PTK7: variants seen among roughly 807,000 people sequenced by gnomAD.
PTK7 encodes the protein protein tyrosine kinase 7 (inactive), also known as inactive tyrosine-protein kinase 7.
PTK7 carries 39 observed loss-of-function variants against 116.6 expected under a neutral mutation model. The observed-to-expected ratio is 0.33, with a 90% CI of 0.26 to 0.44. The LOEUF (loss-of-function observed/expected upper bound fraction) is 0.44, where lower values mean the gene tolerates loss of function less well. PTK7 is among the 20% of genes least tolerant of loss of function. The pLI, the probability that PTK7 is intolerant of heterozygous loss-of-function variation, is 1.00. For missense variants in PTK7, 1,169 were observed against 1,425.6 expected (o/e 0.82, Z 2.90); for synonymous variants, 546 against 563.6 (o/e 0.97, Z 0.44).
intron 10 of PTK7, among the ~76,000 whole-genome samples, chr6:43,140,452 CA>C (rs58975715): frequency 0.012 from 1,242 of 101,546 alleles, 7 homozygotes; most frequent in African/African-American, 0.03. Context: ...GACTCCATCT[CA>C]AAAAAAAAAA....
chr6:43,083,141 G>A (rs765142103), intron 1 of PTK7, among the ~76,000 whole-genome samples: 4 of 152,228 alleles, frequency 2.6e-5, no homozygotes, highest in Admixed American at 2.6e-4. Flanking sequence ...TTTTCCTGAT[G>A]GAAGAAAGGG....
At chr6:43,146,556 C>A in intron 16 of PTK7, 62 bp from the exon 17 acceptor site, 1 of 1,519,316 alleles carries the variant, frequency 6.6e-7, no homozygotes, top group Non-Finnish European at 9.1e-7. Context: ...CCTGCTTGGT[C>A]TGAGGCTTTA....
intron 1 of PTK7, among the ~76,000 whole-genome samples, chr6:43,127,129 A>G (rs1200930089): frequency 2.6e-5 from 4 of 152,240 alleles, no homozygotes; most frequent in Non-Finnish European, 5.9e-5. Context: ...TCTGTAGGCC[A>G]AGATTAGTTT....
intron 1 of PTK7, among the ~76,000 whole-genome samples, chr6:43,123,502 A>C (rs1180938126): frequency 6.6e-6 from 1 of 151,924 alleles, no homozygotes; most frequent in African/African-American, 2.4e-5. Context: ...TTGTGTTTAC[A>C]CATATGTGTG....
chr6:43,111,275 T>C (rs1442228945), intron 1 of PTK7, among the ~76,000 whole-genome samples: 6 of 152,200 alleles, frequency 3.9e-5, no homozygotes, highest in Non-Finnish European at 7.3e-5. Context: ...CCTCTTGAAC[T>C]GTGGAGTCCC....
chr6:43,103,761 G>A (rs925647236), intron 1 of PTK7, among the ~76,000 whole-genome samples: 26 of 152,188 alleles, frequency 1.7e-4, no homozygotes, highest in African/African-American at 5.8e-4. Context: ...TCCCTCCAGG[G>A]AAGGGGCACA....
intron 1 of PTK7, among the ~76,000 whole-genome samples, chr6:43,080,404 T>G (rs1437926305): frequency 9.2e-5 from 14 of 152,214 alleles, no homozygotes; most frequent in Admixed American, 9.2e-4. Context: ...ACAATGGAAA[T>G]GCTATGTAAA....
intron 14 of PTK7, chr6:43,144,199 T>A (rs1345004892): frequency 1.9e-6 from 1 of 521,046 alleles, no homozygotes; most frequent in Non-Finnish European, 3.5e-6. Context: ...TCAGATTAGA[T>A]GTCTGCAGTT....
intron 17 of PTK7, among the ~76,000 whole-genome samples, chr6:43,155,515 G>C (rs1235473302): frequency 6.6e-6 from 1 of 151,906 alleles, no homozygotes; most frequent in East Asian, 1.9e-4. Context: ...GTGGTGGTAT[G>C]TGCCTGTAAA....
At chr6:43,157,299 G>C (rs1771493412) in intron 17 of PTK7, among the ~76,000 whole-genome samples, 1 of 119,688 alleles carries the variant, frequency 8.4e-6, no homozygotes, top group South Asian at 2.9e-4. Context: ...ATACACACAC[G>C]TGCGTGCACA....
Position 43,139,232 on chromosome 6 carries a change from G to A in PTK7, c.1459G>A (p.Ala487Thr), listed in dbSNP as rs1770238651. ...GTACCGTTGTATGAGCAGCACCCCA[G>A]CCGGCAGCATCGAGGCGCAAGCCCG... ...TWYRCMSSTP[A>T]GSIEAQARVQ... is the part of the protein sequence containing the mutation. The change falls in exon 9 of 20, where the codon GCC becomes ACC. Residue 487 changes from alanine to threonine, a missense_variant. By Grantham distance (58) the Ala-to-Thr change is moderately conservative. This residue lies in a region of PTK7 where 678 missense variants were observed against 853.8 expected (regional missense o/e 0.79). Coordinates refer to ENST00000230419, the MANE Select transcript of PTK7 (RefSeq NM_002821.5). The surrounding 1 kb of genome is among the most constrained non-coding windows in gnomAD (Gnocchi z 4.6). 1 of 1,614,130 alleles carries A rather than the reference G, an allele frequency of 6.2e-7. No homozygotes were observed. The highest frequency in any genetic ancestry group is 1.3e-5 in the African/African-American group (1 of 74,946).
At chr6:43,121,255 GC>G (rs1287013740) in intron 1 of PTK7, among the ~76,000 whole-genome samples, 1 of 152,064 alleles carries the variant, frequency 6.6e-6, no homozygotes, top group East Asian at 1.9e-4. Context: ...AGGTTAATCT[GC>G]CCCCTCCAGG....
intron 1 of PTK7, among the ~76,000 whole-genome samples, chr6:43,116,645 T>TGTGTGC (rs1554151395): frequency 1.7e-4 from 13 of 76,338 alleles, no homozygotes; most frequent in African/African-American, 7.1e-4. Flanking sequence ...TGTGTGTGTG[T>TGTGTGC]GTGTGTGCGC....
chr6:43,121,076 T>G (rs1397318361), intron 1 of PTK7, among the ~76,000 whole-genome samples: 5 of 119,608 alleles, frequency 4.2e-5, no homozygotes, highest in Admixed American at 8.4e-5. Context: ...TTTTTTTTTT[T>G]GACTATGTTG....
chr6:43,156,629 A>G (rs1425597318), intron 17 of PTK7, among the ~76,000 whole-genome samples: 1 of 151,942 alleles, frequency 6.6e-6, no homozygotes, highest in African/African-American at 2.4e-5. Context: ...GGCCGGGCAC[A>G]GTGGCTCATG....
chr6:43,146,963 C>A (rs552294785), intron 17 of PTK7, among the ~76,000 whole-genome samples: 3 of 152,224 alleles, frequency 2.0e-5, no homozygotes, highest in African/African-American at 7.2e-5. Context: ...GCTGGCTTCA[C>A]GGAGAAGAGC....
chr6:43,132,599 T>C lies in PTK7; in HGVS notation c.1140T>C (p.Asn380=). ...YQKGHELVLA[N]IAESDAGVYT... ...AGGGCCACGAGCTGGTGTTGGCCAA[T>C]ATTGCTGAAAGTGATGCTGGTGTCT... Residue 380 remains asparagine, a synonymous_variant, in exon 7 of 20, where the codon AAT becomes AAC. Coordinates refer to ENST00000230419, the MANE Select transcript of PTK7 (RefSeq NM_002821.5). 6.2e-7 allele frequency: 1 copy of C among 1,611,900 alleles called. No homozygotes were observed. The highest frequency in any genetic ancestry group is 8.5e-7 in the Non-Finnish European group (1 of 1,179,206).
rs1214111147 is a variant in PTK7, at chr6:43,102,597, CACCAAAAAAAA to C, written c.79+26044_79+26054del. ...GAGCAAGACTTTGTTCCCCCTACCC[CACCAAAAAAAA>C]ACCAAAAAAAAACAAACCAACCGCA... On this transcript the variant is annotated intron_variant, in intron 1 of 19. Transcript: ENST00000230419. Among the ~76,000 whole-genome samples, 13 of 149,828 alleles carry C rather than the reference CACCAAAAAAAA, an allele frequency of 8.7e-5. No individual in the cohort carries two copies. In the East Asian group the frequency reaches 2.5e-3, roughly 29 times the overall value.
chr6:43,085,213 G>T (rs1167567749), intron 1 of PTK7, among the ~76,000 whole-genome samples: 1 of 152,182 alleles, frequency 6.6e-6, no homozygotes, highest in East Asian at 1.9e-4. Context: ...CCTCTGGCTA[G>T]CCCTGATGGT....
Sources: gnomAD v4.1 joint callset for allele counts (sites outside exome capture counted in the v4.1 genomes callset) on GRCh38, gnomAD v4.1.1 for gene constraint, gnomAD v4.1.1 regional missense constraint, Gnocchi (gnomAD v3.1) non-coding constraint, MANE v1.5 for transcripts, NCBI Gene and HGNC (gene_info 2026-07-23, HGNC 2026-07-21) for gene names.